Variants in SLC2A9 observed in about 807,000 individuals in gnomAD.
SLC2A9 encodes the protein solute carrier family 2 member 9.
Under a neutral mutation model 50.6 loss-of-function variants are expected in SLC2A9, and 39 were observed. The ratio of observed to expected loss-of-function variants is 0.77; its 90% CI spans 0.60 to 1.01. The LOEUF (loss-of-function observed/expected upper bound fraction) is 1.01, where lower values mean the gene tolerates loss of function less well. SLC2A9 is among the 50% of genes least tolerant of loss of function. The pLI is 0.00. For synonymous variants in SLC2A9, 324 were observed against 276.9 expected, an observed-to-expected ratio of 1.17 and a Z score of -1.69; for missense variants, 686 against 677.6, an observed-to-expected ratio of 1.01 and a Z score of -0.14.
At chr4:9,849,372 C>T (rs1040844090) in intron 10 of SLC2A9, among the ~76,000 whole-genome samples, 1 of 152,174 alleles carries the variant, frequency 6.6e-6, no homozygotes, top group Non-Finnish European at 1.5e-5. Context: ...TCGTGCCTCT[C>T]AGCATTGTTA....
downstream of SLC2A9, among the ~76,000 whole-genome samples, chr4:9,797,822 C>T (rs1720770402): frequency 1.3e-5 from 2 of 152,200 alleles, no homozygotes; most frequent in South Asian, 2.1e-4. Context: ...AACAGGGTCT[C>T]ACTCTGCGCC....
intron 3 of SLC2A9, among the ~76,000 whole-genome samples, chr4:9,785,915 T>C (rs946304379): frequency 1.3e-5 from 2 of 152,170 alleles, no homozygotes; most frequent in African/African-American, 4.8e-5. Context: ...GCTGCTGTTT[T>C]ATTTATGGTG....
chr4:9,802,399 G>T (rs999133267), intron 3 of SLC2A9, among the ~76,000 whole-genome samples: 3 of 151,942 alleles, frequency 2.0e-5, no homozygotes, highest in African/African-American at 7.3e-5. Flanking sequence ...CGCCTCCCCA[G>T]GACATTCAGG....
At chr4:9,979,748 T>A (rs1755391486) in intron 5 of SLC2A9, among the ~76,000 whole-genome samples, 1 of 152,088 alleles carries the variant, frequency 6.6e-6, no homozygotes, top group South Asian at 2.1e-4. Flanking sequence ...GGGCTTCCTA[T>A]TCCCCCAGGG....
chr4:9,830,038 A>G (rs1309082200), intron 11 of SLC2A9, among the ~76,000 whole-genome samples: 1 of 152,236 alleles, frequency 6.6e-6, no homozygotes, highest in Non-Finnish European at 1.5e-5. Flanking sequence ...AATGTAAATC[A>G]TTGTATTATA....
chr4:10,019,748 T>C (rs1379151632), intron 1 of SLC2A9, among the ~76,000 whole-genome samples: 1 of 152,250 alleles, frequency 6.6e-6, no homozygotes, highest in East Asian at 1.9e-4. Context: ...CTACAGGGGC[T>C]GGTCCAAGCC....
chr4:9,860,304 T>G (rs552316789), intron 10 of SLC2A9, among the ~76,000 whole-genome samples: 1 of 152,368 alleles, frequency 6.6e-6, no homozygotes, highest in Admixed American at 6.5e-5. Flanking sequence ...CCCAGCCATC[T>G]GGCACAGCCT....
At chr4:9,978,654 C>T (rs78684339) in intron 5 of SLC2A9, among the ~76,000 whole-genome samples, 2,230 of 152,248 alleles carry the variant, frequency 0.015, 66 homozygotes, top group African/African-American at 0.05. Flanking sequence ...CTAACACACT[C>T]GCAATTAATT....
chr4:9,794,170 T>C (rs1720304966), downstream of SLC2A9, among the ~76,000 whole-genome samples: 1 of 149,978 alleles, frequency 6.7e-6, no homozygotes, highest in Non-Finnish European at 1.5e-5. Flanking sequence ...GTGTGTGATA[T>C]GGAGTTTCAC....
rs6849273 is a variant in SLC2A9, at chr4:10,019,971, C to G, written c.151-898G>C. 4.4e-3 allele frequency among the ~76,000 whole-genome samples: 666 copies of G among 152,082 alleles called. 17 individuals are homozygous for G. In the East Asian group the frequency reaches 0.07, roughly 16 times the overall value. The stretch of plus-strand genomic sequence containing the variant: ...GCTGTCCTCAGCTGGTCAGGGAATA[C>G]AGGCCAAGTGGACAGGGGCCAGGTG... On this transcript the variant is annotated intron_variant, in intron 1 of 11. Coordinates refer to ENST00000264784, the MANE Select transcript of SLC2A9 (RefSeq NM_020041.3).
intron 6 of SLC2A9, among the ~76,000 whole-genome samples, chr4:9,937,934 G>T (rs1408092223): frequency 2.0e-5 from 3 of 152,208 alleles, no homozygotes; most frequent in African/African-American, 7.2e-5. Flanking sequence ...GCCTCCGTTT[G>T]TGCCTGCATT....
chr4:9,887,539 G>T, intron 10 of SLC2A9, 28 bp downstream of exon 10: 3 of 1,545,384 alleles, frequency 1.9e-6, no homozygotes, highest in South Asian at 1.2e-5. Context: ...TCCCTGGGCG[G>T]GGCAGTGGGG....
At chr4:9,789,854 T>A (rs1169191131) in intron 3 of SLC2A9, among the ~76,000 whole-genome samples, 1 of 152,226 alleles carries the variant, frequency 6.6e-6, no homozygotes, top group African/African-American at 2.4e-5. Context: ...ATTGTTCTGA[T>A]TCTCTTCTAA....
intron 10 of SLC2A9, among the ~76,000 whole-genome samples, chr4:9,849,808 T>A (rs2109303053): frequency 6.6e-6 from 1 of 152,050 alleles, no homozygotes; most frequent in Admixed American, 6.5e-5. Context: ...AGATGACCTG[T>A]TTCTAAGCTT....
intron 1 of SLC2A9, among the ~76,000 whole-genome samples, chr4:10,039,501 A>G (rs1482173551): frequency 6.6e-6 from 1 of 152,210 alleles, no homozygotes; most frequent in Non-Finnish European, 1.5e-5. Flanking sequence ...ATCTTCATGA[A>G]CAATAACATC....
intron 10 of SLC2A9, chr4:9,879,241 A>G (rs567262531): frequency 2.0e-6 from 2 of 985,418 alleles, no homozygotes; most frequent in African/African-American, 3.5e-5. Flanking sequence ...GAAAGTCTCA[A>G]GATGCAGTAT....
intron 10 of SLC2A9, among the ~76,000 whole-genome samples, chr4:9,840,914 G>A (rs1432910841): frequency 1.8e-5 from 1 of 57,132 alleles, no homozygotes; most frequent in Non-Finnish European, 5.5e-5. Flanking sequence ...CATATCAAAA[G>A]AGGACAAAGA....
chr4:10,005,681 G>C (rs12507050), intron 2 of SLC2A9, among the ~76,000 whole-genome samples: 1 of 152,082 alleles, frequency 6.6e-6, no homozygotes, highest in South Asian at 2.1e-4. Context: ...TGAATAAAAG[G>C]CTACATGGTT....
chr4:9,911,179 T>C (rs992971847), intron 7 of SLC2A9, among the ~76,000 whole-genome samples: 1 of 151,978 alleles, frequency 6.6e-6, no homozygotes, highest in Non-Finnish European at 1.5e-5. Flanking sequence ...AAAAGCCATA[T>C]TTAGTCTTAT....
Sources: allele counts gnomAD v4.1 joint callset (sites outside exome capture counted in the v4.1 genomes callset), GRCh38; gene constraint gnomAD v4.1.1; transcripts MANE v1.5; gene names NCBI Gene and HGNC (gene_info 2026-07-23, HGNC 2026-07-21).